Variants in TAF1 observed in about 807,000 individuals in gnomAD.
TAF1 encodes transcription initiation factor TFIID subunit 1.
Under a neutral mutation model 138.5 loss-of-function variants are expected in TAF1, and 2 were observed. The ratio of observed to expected loss-of-function variants is 0.01; its 90% confidence interval spans 0.01 to 0.05. TAF1 has a LOEUF of 0.05. Ranked by LOEUF, TAF1 falls within the 10% of genes least tolerant of loss-of-function variation. The pLI is 1.00. For missense variants in TAF1, 709 were observed against 1,478.0 expected (o/e 0.48, Z 8.53); for synonymous variants, 437 against 503.2 (o/e 0.87, Z 1.76).
chrX:71,384,924 G>T (rs1250507158), intron 13 of TAF1, 21 bp from the exon 14 acceptor site: 19 of 1,112,592 alleles, frequency 1.7e-5, no homozygotes, highest in Non-Finnish European at 2.1e-5. Context: ...TAAATAACTG[G>T]GTCTTCTGTG....
intron 13 of TAF1, among the ~76,000 whole-genome samples, chrX:71,497,475 G>A (rs2039418142): frequency 9.0e-6 from 1 of 111,207 alleles, no homozygotes; most frequent in South Asian, 3.8e-4. Context: ...TCCTTTCCTT[G>A]TATTATTTTG....
At chrX:71,474,723 A>G (rs1403916540) in intron 13 of TAF1, among the ~76,000 whole-genome samples, 1 of 111,979 alleles carries the variant, frequency 8.9e-6, no homozygotes, top group African/African-American at 3.2e-5. Flanking sequence ...AAGGTGATGC[A>G]TTGAAGTAAT....
At chrX:71,458,705 G>A (rs367982405) in intron 35 of TAF1, among the ~76,000 whole-genome samples, 81 of 111,900 alleles carry the variant, frequency 7.2e-4, no homozygotes, top group African/African-American at 2.4e-3. Flanking sequence ...TACTTTATGT[G>A]TATTATAATT....
At chrX:71,516,701 CTGTTGT>C (rs976462419) in intron 13 of TAF1, among the ~76,000 whole-genome samples, 160 of 99,742 alleles carry the variant, frequency 1.6e-3, no homozygotes, top group Non-Finnish European at 1.3e-3. Context: ...TTTTTTGTTG[CTGTTGT>C]TGTTGTTGTT....
At chrX:71,388,913 G>GTTT in intron 17 of TAF1, 45 bp downstream of exon 17, 5 of 972,222 alleles carry the variant, frequency 5.1e-6, no homozygotes, top group South Asian at 5.0e-5. Flanking sequence ...GTGGTTTTTT[G>GTTT]TTTTTTTTTT....
At chrX:71,459,131 A>C in intron 35 of TAF1, 1 of 1,041,695 alleles carries the variant, frequency 9.6e-7, no homozygotes, top group Admixed American at 2.5e-5. Flanking sequence ...ATGATGTGCT[A>C]TTTGTGTTCC....
intron 32 of TAF1, among the ~76,000 whole-genome samples, chrX:71,443,299 A>G (rs1246689872): frequency 8.9e-6 from 1 of 112,030 alleles, no homozygotes; most frequent in African/African-American, 3.2e-5. Context: ...ATGAGCATGG[A>G]ATCTTCTTCC....
intron 23 of TAF1, 72 bp from the exon 24 acceptor site, chrX:71,398,500 A>G: frequency 8.6e-7 from 1 of 1,161,020 alleles, no homozygotes; most frequent in South Asian, 2.0e-5. Flanking sequence ...GTTAGCTATC[A>G]CGATAGTCTT....
At chrX:71,462,082 A>C (rs2038572181) in intron 37 of TAF1, among the ~76,000 whole-genome samples, 1 of 111,610 alleles carries the variant, frequency 9.0e-6, no homozygotes, top group Non-Finnish European at 1.9e-5. Context: ...TGTAAGATCT[A>C]TAATTCATGT....
At chrX:71,388,442 G>C in intron 16 of TAF1, 64 bp downstream of exon 16, 1 of 1,161,548 alleles carries the variant, frequency 8.6e-7, no homozygotes. Context: ...ATGGCTTTGA[G>C]TTAAAGGATA....
At position 71,452,921 on chromosome X, in the gene TAF1, C is replaced by T. The variant is rs774235556; in HGVS notation, c.4754-1249C>T. ...CAAAAAAATACGAAAACCAGTCAGG[C>T]GTGGTGGCGCGCGCCTGCAATCGCA... On this transcript the variant is annotated intron_variant, in intron 32 of 37. Transcript: ENST00000423759. Among the ~76,000 whole-genome samples, 10 of 112,155 alleles carry T rather than the reference C, an allele frequency of 8.9e-5. No individual in the cohort carries two copies. The South Asian group carries it at 1.9e-3, about 21-fold the overall frequency.
intron 32 of TAF1, 151 bp from the exon 33 acceptor site, chrX:71,454,019 T>G (rs895376813): frequency 9.0e-6 from 4 of 445,700 alleles, no homozygotes; most frequent in Non-Finnish European, 1.2e-5. Flanking sequence ...TGTTTGGAAT[T>G]TTCTGCCTCT....
intron 22 of TAF1, among the ~76,000 whole-genome samples, chrX:71,395,848 C>A (rs2034817131): frequency 9.0e-6 from 1 of 111,436 alleles, no homozygotes; most frequent in African/African-American, 3.3e-5. Context: ...CCTCACTCCA[C>A]ATCTACTAAA....
intron 14 of TAF1, among the ~76,000 whole-genome samples, chrX:71,529,152 A>G (rs1362091870): frequency 9.2e-6 from 1 of 108,667 alleles, no homozygotes; most frequent in Non-Finnish European, 1.9e-5. Flanking sequence ...GCTCACTGCA[A>G]CCTCCGCCTC....
chrX:71,382,681 G>A lies in TAF1; in HGVS notation c.1665+18G>A. 8.3e-7 allele frequency: 1 copy of A among 1,204,262 alleles called. No homozygotes were observed. The highest frequency in any genetic ancestry group is 1.1e-6 in the Non-Finnish European group (1 of 893,363). On this transcript the variant is annotated intron_variant, in intron 10 of 37. Coordinates refer to ENST00000423759, the MANE Select transcript of TAF1 (RefSeq NM_004606.5). ...CACAGCAGGTGTGTGAAGAAAAAAG[G>A]GGCTTGGTGTTTAGAAGAACAAAGA...
At chrX:71,508,086 C>CTCTATATATATA (rs4040068) in intron 13 of TAF1, among the ~76,000 whole-genome samples, 3 of 92,183 alleles carry the variant, frequency 3.3e-5, no homozygotes, top group South Asian at 4.9e-4. Context: ...CTCTCTCTCT[C>CTCTATATATATA]TATATATATA....
At chrX:71,435,831 A>G (rs759929242) in intron 32 of TAF1, among the ~76,000 whole-genome samples, 19 of 110,593 alleles carry the variant, frequency 1.7e-4, no homozygotes, top group Non-Finnish European at 3.2e-4. Flanking sequence ...TAACTGTTCA[A>G]AAGATCTTCC....
At chrX:71,413,457 G>A (rs2035898939) in intron 28 of TAF1, among the ~76,000 whole-genome samples, 1 of 111,776 alleles carries the variant, frequency 8.9e-6, no homozygotes, top group Admixed American at 9.6e-5. Context: ...GAAAATTTTT[G>A]CATATGGTTA....
intron 32 of TAF1, among the ~76,000 whole-genome samples, chrX:71,440,596 C>T (rs1248329882): frequency 3.7e-5 from 4 of 109,038 alleles, no homozygotes; most frequent in African/African-American, 1.3e-4. Flanking sequence ...CGTGAAAACC[C>T]AATGTCGTCA....
Sources: allele counts gnomAD v4.1 joint callset (sites outside exome capture counted in the v4.1 genomes callset), GRCh38; gene constraint gnomAD v4.1.1; transcripts MANE v1.5; gene names NCBI Gene and HGNC (gene_info 2026-07-23, HGNC 2026-07-21).